Variants in CAPS2 observed in about 807,000 individuals in gnomAD.
The protein encoded by CAPS2 is calcyphosine 2.
In CAPS2, 98 loss-of-function variants were observed where a neutral mutation model predicts 86.5. That is an observed-to-expected ratio of 1.13 (90% CI 0.96 to 1.34). The LOEUF is 1.34. Among genes scored for constraint, CAPS2 ranks in the 40% most tolerant of loss-of-function variants. CAPS2 has a pLI of 0.00. For synonymous variants in CAPS2, 210 were observed against 225.1 expected (o/e 0.93, Z 0.60); for missense variants, 729 against 686.8 (o/e 1.06, Z -0.69).
At chr12:75,316,431 C>T (rs941900561) in exon 6 of CAPS2, 1 of 1,539,564 alleles carries the variant, frequency 6.5e-7, no homozygotes, top group African/African-American at 1.4e-5. Context: ...TCATCTTGCA[C>T]ACACTATGCA....
intron 1 of CAPS2, among the ~76,000 whole-genome samples, chr12:75,368,854 T>A (rs1048592425): frequency 3.9e-5 from 6 of 151,922 alleles, no homozygotes; most frequent in African/African-American, 7.2e-5. Flanking sequence ...TTTTAATTAC[T>A]AATTTTTTTC....
At chr12:75,349,358 A>T (rs1308417105) in intron 1 of CAPS2, among the ~76,000 whole-genome samples, 2 of 152,224 alleles carry the variant, frequency 1.3e-5, no homozygotes, top group African/African-American at 4.8e-5. Flanking sequence ...AAAGAACAAC[A>T]TAACTTTAAC....
intron 13 of CAPS2, among the ~76,000 whole-genome samples, chr12:75,290,716 G>C (rs565015817): frequency 6.6e-6 from 1 of 151,966 alleles, no homozygotes; most frequent in East Asian, 1.9e-4. Context: ...AGAAGTTCCA[G>C]ACCAGCCTGG....
chr12:75,349,926 AT>A (rs994888997), intron 1 of CAPS2, among the ~76,000 whole-genome samples: 1 of 152,226 alleles, frequency 6.6e-6, no homozygotes, highest in Non-Finnish European at 1.5e-5. Flanking sequence ...GTGGAAATTG[AT>A]TTCCTTACAT....
intron 1 of CAPS2, among the ~76,000 whole-genome samples, chr12:75,337,433 T>C (rs1252356713): frequency 6.6e-6 from 1 of 151,838 alleles, no homozygotes; most frequent in African/African-American, 2.4e-5. Context: ...CTCCACACAT[T>C]AAATGGATAG....
At chr12:75,330,444 T>C (rs1420416579), upstream of CAPS2, among the ~76,000 whole-genome samples, 1 of 152,272 alleles carries the variant, frequency 6.6e-6, no homozygotes, top group Non-Finnish European at 1.5e-5. Context: ...TGTAATTCTT[T>C]GTCTAATTGA....
intron 1 of CAPS2, among the ~76,000 whole-genome samples, chr12:75,383,478 G>A (rs1044732513): frequency 6.6e-6 from 1 of 152,132 alleles, no homozygotes; most frequent in African/African-American, 2.4e-5. Flanking sequence ...AATTCTCCAA[G>A]AAGACATTAC....
chr12:75,363,125 C>G, intron 1 of CAPS2: 1 of 1,558,284 alleles, frequency 6.4e-7, no homozygotes, highest in Non-Finnish European at 8.6e-7. Flanking sequence ...AATATGCCTC[C>G]TTACGTAAGA....
At chr12:75,358,437 G>C (rs1183003860) in intron 1 of CAPS2, among the ~76,000 whole-genome samples, 1 of 151,404 alleles carries the variant, frequency 6.6e-6, no homozygotes, top group Admixed American at 6.6e-5. Flanking sequence ...AAATGAATCA[G>C]TTAATCAACC....
intron 1 of CAPS2, chr12:75,390,330 C>T (rs1376797882): frequency 2.2e-6 from 1 of 456,210 alleles, no homozygotes; most frequent in Admixed American, 2.3e-5. Context: ...ACTGTGAATG[C>T]CACAATTAGT....
chr12:75,305,654 C>G (rs1417591943), intron 7 of CAPS2: 4 of 639,590 alleles, frequency 6.3e-6, no homozygotes, highest in African/African-American at 3.6e-5. Context: ...GGGCGGCGCC[C>G]ACCAGGCCCC....
At chr12:75,311,534 G>A (rs558108882) in intron 7 of CAPS2, among the ~76,000 whole-genome samples, 13 of 151,872 alleles carry the variant, frequency 8.6e-5, no homozygotes, top group African/African-American at 2.2e-4. Context: ...GGTTTTTAAA[G>A]GCATGATACT....
rs2042733003 is a variant in CAPS2 at position 75,350,469 on chromosome 12, T to C, written c.-394-27247A>G. 3.3e-5 allele frequency among the ~76,000 whole-genome samples: 5 copies of C among 152,162 alleles called. 1 individual carries two copies. The South Asian group carries it at 1.0e-3, about 31-fold the overall frequency. On this transcript the variant is annotated intron_variant, in intron 1 of 5. Coordinates refer to the CAPS2 transcript ENST00000551829. ...GGCGGGCATCAGGTCAATGCCCCTC[T>C]GGGACAGAATGCCCAGTGGAAAGAT...
intron 6 of CAPS2, among the ~76,000 whole-genome samples, chr12:75,314,436 T>C (rs1416615471): frequency 6.6e-6 from 1 of 152,126 alleles, no homozygotes; most frequent in Non-Finnish European, 1.5e-5. Context: ...AATCTAGTTT[T>C]TTGGTTTGGT....
chr12:75,373,087 C>G (rs899219389), intron 1 of CAPS2, among the ~76,000 whole-genome samples: 1 of 152,176 alleles, frequency 6.6e-6, no homozygotes, highest in African/African-American at 2.4e-5. Flanking sequence ...GGTGCCATAT[C>G]GAGGGTTCAG....
intron 12 of CAPS2, among the ~76,000 whole-genome samples, chr12:75,292,774 A>C (rs1029934463): frequency 6.7e-6 from 1 of 149,428 alleles, no homozygotes; most frequent in East Asian, 1.9e-4. Flanking sequence ...GTTATTAAAA[A>C]AATTCATTTT....
At chr12:75,323,581 T>C (rs920534085) in intron 2 of CAPS2, among the ~76,000 whole-genome samples, 1 of 152,070 alleles carries the variant, frequency 6.6e-6, no homozygotes, top group African/African-American at 2.4e-5. Context: ...CTGTCTCTAC[T>C]AAAAATACAA....
chr12:75,338,343 C>T lies in CAPS2; in HGVS notation c.-394-15121G>A, dbSNP rs543821141. Among the ~76,000 whole-genome samples the T allele has an allele frequency of 1.5e-4, 23 of 152,146 alleles. No individual in the cohort carries two copies. The South Asian group carries it at 3.9e-3, about 26-fold the overall frequency. On this transcript the variant is annotated intron_variant, in intron 1 of 5. Coordinates refer to the CAPS2 transcript ENST00000551829. ...CTGGAAACACCATTAACAGAAAACT[C>T]CCCAGAAAATGAAAAATCTGTGAGA...
intron 8 of CAPS2, among the ~76,000 whole-genome samples, chr12:75,302,674 T>C (rs1421984945): frequency 6.6e-6 from 1 of 152,178 alleles, no homozygotes; most frequent in Non-Finnish European, 1.5e-5. Flanking sequence ...TTCTAAAACA[T>C]GTAAATAAGA....
Sources: allele counts gnomAD v4.1 joint callset (sites outside exome capture counted in the v4.1 genomes callset), GRCh38; gene constraint gnomAD v4.1.1; transcripts MANE v1.5; gene names NCBI Gene and HGNC (gene_info 2026-07-23, HGNC 2026-07-21).